COBL: variants seen among roughly 807,000 people sequenced by gnomAD.
COBL encodes protein cordon-bleu.
Under a neutral mutation model 98.8 loss-of-function variants are expected in COBL, and 51 were observed. The observed-to-expected ratio is 0.52, with a 90% CI of 0.41 to 0.65. COBL has a LOEUF of 0.65. Among genes scored for constraint, COBL ranks in the 30% least tolerant of loss-of-function variants. The pLI is 0.00. For synonymous variants in COBL, 634 were observed against 651.7 expected (o/e 0.97, Z 0.41); for missense variants, 1,617 against 1,617.5 (o/e 1.00, Z 0.01).
chr7:51,123,722 C>T (rs778574592), intron 6 of COBL, among the ~76,000 whole-genome samples: 14 of 152,306 alleles, frequency 9.2e-5, no homozygotes, highest in African/African-American at 9.6e-5. Flanking sequence ...CTGTCAATGA[C>T]GAGTAAATGA....
chr7:51,212,706 A>T (rs1285514983), intron 2 of COBL, among the ~76,000 whole-genome samples: 1 of 152,226 alleles, frequency 6.6e-6, no homozygotes, highest in Non-Finnish European at 1.5e-5. Context: ...TATCCCTGAC[A>T]TCTAGCAGAG....
At chr7:51,214,126 C>T (rs1792769197) in intron 2 of COBL, among the ~76,000 whole-genome samples, 1 of 151,936 alleles carries the variant, frequency 6.6e-6, no homozygotes, top group African/African-American at 2.4e-5. Flanking sequence ...ATTAGCTGGA[C>T]GTGGTGGCAC....
chr7:51,224,946 T>C (rs1034974245), intron 1 of COBL, among the ~76,000 whole-genome samples: 4 of 150,044 alleles, frequency 2.7e-5, no homozygotes, highest in African/African-American at 7.6e-5. Context: ...GGCCCGTGCA[T>C]GCGGGGGCGG....
chr7:51,261,522 C>T (rs1584338685), intron 1 of COBL, among the ~76,000 whole-genome samples: 2 of 152,198 alleles, frequency 1.3e-5, no homozygotes, highest in Non-Finnish European at 2.9e-5. Flanking sequence ...ATGGTGATTT[C>T]GTCTGAGCTA....
intron 5 of COBL, among the ~76,000 whole-genome samples, chr7:51,158,232 G>A (rs1019817057): frequency 3.3e-5 from 5 of 152,008 alleles, no homozygotes; most frequent in South Asian, 2.1e-4. Context: ...TTTTCTATTT[G>A]TTTATTTTAT....
At chr7:51,302,184 C>T (rs960670766) in intron 1 of COBL, among the ~76,000 whole-genome samples, 2 of 152,162 alleles carry the variant, frequency 1.3e-5, no homozygotes, top group Non-Finnish European at 2.9e-5. Context: ...TGGAGGGGGT[C>T]ACATAAATAA....
intron 7 of COBL, among the ~76,000 whole-genome samples, chr7:51,049,079 C>A (rs1789993128): frequency 6.6e-6 from 1 of 152,186 alleles, no homozygotes; most frequent in Admixed American, 6.5e-5. Flanking sequence ...AAAATCACTT[C>A]ATTAATCTGT....
chr7:51,200,479 CATA>C (rs1791015164), intron 2 of COBL, among the ~76,000 whole-genome samples: 2 of 152,086 alleles, frequency 1.3e-5, no homozygotes, highest in African/African-American at 4.8e-5. Flanking sequence ...ACATCAGTTA[CATA>C]AAGTGTCTGT....
intron 2 of COBL, among the ~76,000 whole-genome samples, chr7:51,210,446 A>C (rs1563043161): frequency 6.6e-6 from 1 of 152,220 alleles, no homozygotes; most frequent in East Asian, 1.9e-4. Context: ...TGGAACCCGC[A>C]CCCAGGACAG....
intron 5 of COBL, among the ~76,000 whole-genome samples, chr7:51,174,398 A>G (rs895467498): frequency 2.0e-5 from 3 of 152,248 alleles, no homozygotes; most frequent in Non-Finnish European, 4.4e-5. Flanking sequence ...CAAAACAATA[A>G]CAAATTATCC....
intron 7 of COBL, among the ~76,000 whole-genome samples, chr7:51,057,329 C>T (rs980041729): frequency 7.8e-6 from 1 of 128,566 alleles, no homozygotes; most frequent in Non-Finnish European, 1.5e-5. Context: ...TGCACGCACA[C>T]ACATACACAC....
intron 1 of COBL, among the ~76,000 whole-genome samples, chr7:51,244,842 G>A (rs1165987920): frequency 1.3e-5 from 2 of 152,080 alleles, no homozygotes; most frequent in Non-Finnish European, 2.9e-5. Flanking sequence ...CCTTCACCAC[G>A]CCTCTGTCTG....
At chr7:51,163,183 G>C (rs1013251345) in intron 5 of COBL, among the ~76,000 whole-genome samples, 2 of 152,184 alleles carry the variant, frequency 1.3e-5, no homozygotes, top group African/African-American at 4.8e-5. Context: ...CTTCTGGTAA[G>C]ATTAAGCAAG....
chr7:51,024,994 C>G, intron 12 of COBL, 115 bp downstream of exon 12: 1 of 1,408,628 alleles, frequency 7.1e-7, no homozygotes, highest in South Asian at 1.3e-5. Flanking sequence ...CTCTCTCAAC[C>G]CACTCCCATG....
At chr7:51,226,967 TA>T (rs1206400767) in intron 1 of COBL, among the ~76,000 whole-genome samples, 7 of 152,016 alleles carry the variant, frequency 4.6e-5, no homozygotes, top group African/African-American at 1.7e-4. Flanking sequence ...ACTGGAATTC[TA>T]GCCCAGGTCT....
At chr7:51,254,662 G>A (rs911081321) in intron 1 of COBL, among the ~76,000 whole-genome samples, 1 of 152,102 alleles carries the variant, frequency 6.6e-6, no homozygotes, top group Non-Finnish European at 1.5e-5. Context: ...TGACTACCTA[G>A]AATTCTCTAG....
intron 6 of COBL, among the ~76,000 whole-genome samples, chr7:51,093,756 T>C (rs1259557753): frequency 2.0e-5 from 3 of 152,104 alleles, no homozygotes; most frequent in Non-Finnish European, 2.9e-5. Flanking sequence ...TAGCCAGGTA[T>C]GGTGGCATGT....
At chr7:51,309,559 G>C (rs1197090065) in intron 1 of COBL, among the ~76,000 whole-genome samples, 1 of 152,166 alleles carries the variant, frequency 6.6e-6, no homozygotes, top group Non-Finnish European at 1.5e-5. Flanking sequence ...AGTGCCAGTT[G>C]ATCGGTCTGT....
chr7:51,063,834 C>T (rs968560424), intron 7 of COBL, among the ~76,000 whole-genome samples: 4 of 152,170 alleles, frequency 2.6e-5, no homozygotes, highest in East Asian at 3.8e-4. Flanking sequence ...CAGCAGCCCC[C>T]GAAACATTTC....
Sources: gnomAD v4.1 joint callset for allele counts (sites outside exome capture counted in the v4.1 genomes callset) on GRCh38, gnomAD v4.1.1 for gene constraint, MANE v1.5 for transcripts, NCBI Gene and HGNC (gene_info 2026-07-23, HGNC 2026-07-21) for gene names.